Variants in OTULINL observed in about 807,000 individuals in gnomAD.
OTULINL encodes OTU deubiquitinase with linear linkage specificity like.
OTULINL carries 42 observed loss-of-function variants against 43.9 expected under a neutral mutation model. The observed-to-expected ratio is 0.96, with a 90% CI of 0.75 to 1.24. The LOEUF (loss-of-function observed/expected upper bound fraction) is 1.24. Among genes scored for constraint, OTULINL ranks in the 50% most tolerant of loss-of-function variants. The probability of loss-of-function intolerance (pLI) is 0.00; values close to 1 mark genes in which losing one functional copy is unlikely to be tolerated. For missense variants in OTULINL, 411 were observed against 426.4 expected (o/e 0.96, Z 0.32); for synonymous variants, 172 against 153.6 (o/e 1.12, Z -0.88).
intron 1 of OTULINL, among the ~76,000 whole-genome samples, chr5:14,600,280 C>T (rs1759362798): frequency 6.6e-6 from 1 of 152,180 alleles, no homozygotes; most frequent in South Asian, 2.1e-4. Context: ...CCCCTTCTGC[C>T]ATGATTGTAA....
intron 7 of OTULINL, 53 bp downstream of exon 7, chr5:14,609,070 T>G (rs949631120): frequency 1.3e-5 from 20 of 1,561,992 alleles, no homozygotes; most frequent in Non-Finnish European, 1.7e-5. Flanking sequence ...TGTGGCACTA[T>G]TTGAACACAG....
chr5:14,614,565 A>G lies in OTULINL; in HGVS notation c.*4251A>G. ...AGGAAAGCTGATTTGGATTATATTT[A>G]TGCTTAATATCAACATGGTTTATAA... On this transcript the variant is annotated 3_prime_UTR_variant, in exon 8 of 8. Transcript: ENST00000274217. 2 of 398,628 alleles carry G rather than the reference A, an allele frequency of 5.0e-6. No individual in the cohort carries two copies. Among genetic ancestry groups the G allele is most frequent in the Non-Finnish European group, 8.8e-6 (2 of 226,060 alleles). The allele number at this position is 398,628 out of a possible 1,614,324, so 24.7% of individuals were successfully genotyped here. A position where few individuals can be genotyped will look rare whatever the true frequency, so the allele number is the denominator to read the frequency against.
At chr5:14,609,824 G>GT (rs1759547444) in intron 7 of OTULINL, among the ~76,000 whole-genome samples, 1 of 152,088 alleles carries the variant, frequency 6.6e-6, no homozygotes, top group Non-Finnish European at 1.5e-5. Flanking sequence ...TAGAGACGGG[G>GT]TTTCACCGTG....
intron 1 of OTULINL, among the ~76,000 whole-genome samples, chr5:14,591,900 A>G (rs1283239480): frequency 2.0e-5 from 3 of 151,956 alleles, no homozygotes; most frequent in South Asian, 2.1e-4. Context: ...AATGGTTGGG[A>G]AAAAAATAAA....
chr5:14,596,833 G>A (rs188315953), intron 1 of OTULINL, among the ~76,000 whole-genome samples: 2 of 152,262 alleles, frequency 1.3e-5, no homozygotes, highest in African/African-American at 4.8e-5. Flanking sequence ...GTGGTGGAGG[G>A]CGTCACGTGG....
Position 14,616,142 on chromosome 5 carries a change from T to C in OTULINL, c.*5828T>C, listed in dbSNP as rs144583592. On this transcript the variant is annotated 3_prime_UTR_variant, in exon 8 of 8. Transcript: ENST00000274217. ...TCAGTTTCTGTACTTAATCTTGCAG[T>C]GTGGTAATAAAGACTTCTACACTTT... is the stretch of plus-strand genomic sequence containing the variant. Among the ~76,000 whole-genome samples the C allele has an allele frequency of 6.6e-6, 1 of 152,224 alleles. No homozygotes were observed. The highest frequency in any genetic ancestry group is 2.1e-4 in the South Asian group (1 of 4,836).
Position 14,614,283 on chromosome 5 carries a change from ATTAAC to A in OTULINL, c.*3973_*3977del, listed in dbSNP as rs1414441509. ...GCTTGTCATAGTTGAACATTATTTA[ATTAAC>A]TTATTGACTATATATGGGTATACTT... On this transcript the variant is annotated 3_prime_UTR_variant, in exon 8 of 8. Transcript: ENST00000274217. 1.3e-5 allele frequency among the ~76,000 whole-genome samples: 2 copies of A among 152,218 alleles called. No individual in the cohort carries two copies. Among genetic ancestry groups the A allele is most frequent in the African/African-American group, 2.4e-5 (1 of 41,452 alleles).
intron 1 of OTULINL, among the ~76,000 whole-genome samples, chr5:14,583,101 G>A (rs948157890): frequency 3.3e-5 from 5 of 152,194 alleles, no homozygotes; most frequent in African/African-American, 1.2e-4. Flanking sequence ...TGGCAGGTGC[G>A]GGGATTGTTT....
At chr5:14,590,795 T>C (rs993606202) in intron 1 of OTULINL, among the ~76,000 whole-genome samples, 8 of 152,192 alleles carry the variant, frequency 5.3e-5, no homozygotes, top group Non-Finnish European at 1.2e-4. Flanking sequence ...CTACTATAGG[T>C]AATGACCATT....
At position 14,591,708 on chromosome 5, in the gene OTULINL, A is replaced by G. The variant is rs369937141; in HGVS notation, c.65-9257A>G. Among the ~76,000 whole-genome samples, 12 of 152,240 alleles carry G rather than the reference A, an allele frequency of 7.9e-5. No homozygotes were observed. The East Asian group carries it at 1.2e-3, about 15-fold the overall frequency. On this transcript the variant is annotated intron_variant, in intron 1 of 7. Transcript: ENST00000274217. ...CAGGTCCAAAGGGCTTTAAGCTGAC[A>G]GCAGGTTGAATGTGAGTCAGTAGCT...
chr5:14,582,043 G>A (rs954118559), intron 1 of OTULINL, 85 bp downstream of exon 1: 2 of 994,864 alleles, frequency 2.0e-6, no homozygotes, highest in South Asian at 4.3e-5. Context: ...CCAGGGACGC[G>A]CCCTCCTCGG....
chr5:14,595,640 C>CTTTTTTTTTTTTTTTTTTTT (rs61482298), intron 1 of OTULINL, among the ~76,000 whole-genome samples: 1 of 57,094 alleles, frequency 1.8e-5, no homozygotes, highest in Non-Finnish European at 3.1e-5. Context: ...AAAAACGGTG[C>CTTTTTTTTTTTTTTTTTTTT]TTTTTTTTTT....
Position 14,613,408 on chromosome 5 carries a change from C to T in OTULINL, c.*3094C>T, listed in dbSNP as rs538986525. On this transcript the variant is annotated 3_prime_UTR_variant, in exon 8 of 8. Coordinates refer to ENST00000274217, the MANE Select transcript of OTULINL (RefSeq NM_019018.3). ...ATGCTATCTTTTCATCATACCTCTT[C>T]TAATCTGAGTATTTCCTCTGGGCTT... is the stretch of plus-strand genomic sequence containing the variant. Among the ~76,000 whole-genome samples the T allele has an allele frequency of 1.6e-4, 24 of 152,254 alleles. 1 individual carries two copies. The highest frequency in any genetic ancestry group is 1.4e-3 in the Admixed American group (21 of 15,292).
At chr5:14,601,510 C>A (rs1373394861) in intron 4 of OTULINL, 68 bp downstream of exon 4, 1 of 1,363,350 alleles carries the variant, frequency 7.3e-7, no homozygotes, top group East Asian at 2.3e-5. Flanking sequence ...ACAAACATTC[C>A]CTTCTGCTTT....
At chr5:14,593,916 T>G (rs1759245620) in intron 1 of OTULINL, among the ~76,000 whole-genome samples, 1 of 152,226 alleles carries the variant, frequency 6.6e-6, no homozygotes, top group Non-Finnish European at 1.5e-5. Context: ...GTTGAATGTC[T>G]TAGTGGTCAT....
At chr5:14,593,726 C>A (rs1329087222) in intron 1 of OTULINL, among the ~76,000 whole-genome samples, 1 of 152,168 alleles carries the variant, frequency 6.6e-6, no homozygotes, top group Non-Finnish European at 1.5e-5. Context: ...AGAGATGTGC[C>A]CGACTCTCAG....
At chr5:14,607,659 C>G (rs577022343) in intron 6 of OTULINL, among the ~76,000 whole-genome samples, 1 of 152,176 alleles carries the variant, frequency 6.6e-6, no homozygotes, top group African/African-American at 2.4e-5. Flanking sequence ...TTGTTCTACA[C>G]GATAATTAGG....
In OTULINL at chr5:14,581,976, CG is replaced by C; in HGVS notation, c.64+22del. On this transcript the variant is annotated intron_variant, in intron 1 of 7. Coordinates refer to ENST00000274217, the MANE Select transcript of OTULINL (RefSeq NM_019018.3). ...CGCCGCAGGTGAGCCTGGGGCCGGG[CG>C]GGGCGGGGCGGGGGGCGCGAGCAGG... 1 of 540,380 alleles carries C rather than the reference CG, an allele frequency of 1.9e-6. No individual in the cohort carries two copies. Among genetic ancestry groups the C allele is most frequent in the Non-Finnish European group, 2.9e-6 (1 of 349,872 alleles). The allele number at this position is 540,380 out of a possible 1,614,324, so 33.5% of individuals were successfully genotyped here.
At chr5:14,584,672 T>C (rs573957979) in intron 1 of OTULINL, among the ~76,000 whole-genome samples, 1 of 152,338 alleles carries the variant, frequency 6.6e-6, no homozygotes, top group South Asian at 2.1e-4. Flanking sequence ...TACCTTCTAC[T>C]ATGAAGTAGC....
Sources: gnomAD v4.1 joint callset for allele counts (sites outside exome capture counted in the v4.1 genomes callset) on GRCh38, gnomAD v4.1.1 for gene constraint, MANE v1.5 for transcripts, NCBI Gene and HGNC (gene_info 2026-07-23, HGNC 2026-07-21) for gene names.